MSH5: variants seen among roughly 807,000 people sequenced by gnomAD.
MSH5 encodes mutS protein homolog 5.
A neutral mutation model predicts 107.7 loss-of-function variants in MSH5; 78 were observed. The ratio of observed to expected loss-of-function variants is 0.72; its 90% confidence interval spans 0.60 to 0.87. The LOEUF (loss-of-function observed/expected upper bound fraction) is 0.87, where lower values mean the gene tolerates loss of function less well. MSH5 is among the 40% of genes least tolerant of loss of function. The pLI is 0.00. For missense variants in MSH5, 889 were observed against 1,046.6 expected (o/e 0.85, Z 2.08); for synonymous variants, 326 against 399.5 (o/e 0.82, Z 2.19).
chr6:31,745,614 G>A (rs576575223), intron 9 of MSH5, among the ~76,000 whole-genome samples: 7 of 152,180 alleles, frequency 4.6e-5, no homozygotes, highest in African/African-American at 1.7e-4. Context: ...GGGACTTTGG[G>A]AGACCTTGTG....
At position 31,742,963 on chromosome 6, in the gene MSH5, G is replaced by A. The variant is rs770947052; in HGVS notation, c.352+6G>A. 1.5e-5 allele frequency: 24 copies of A among 1,612,844 alleles called. No individual in the cohort carries two copies. The highest frequency in any genetic ancestry group is 1.9e-5 in the Non-Finnish European group (23 of 1,179,976). ...TCGATTTCTGGGAAAGCTTGGTAAG[G>A]ACTTGGTAAAGGATAGAGGGAAAAT... On this transcript the variant is annotated splice_donor_region_variant and intron_variant, in intron 4 of 24. Coordinates refer to ENST00000375750, the MANE Select transcript of MSH5 (RefSeq NM_172166.4).
chr6:31,741,225 C>T lies in MSH5; in HGVS notation c.210C>T (p.Asp70=), dbSNP rs56395125. 1.2e-5 allele frequency: 19 copies of T among 1,612,796 alleles called. No homozygotes were observed. Among genetic ancestry groups the T allele is most frequent in the East Asian group, 2.2e-5 (1 of 44,896 alleles). Reference sequence around the variant, plus strand: ...GCATTGCCTACTATGATACTAGTGACTCCACTATCCACTTCATGCCAGATG... The same window carrying T: ...GCATTGCCTACTATGATACTAGTGATTCCACTATCCACTTCATGCCAGATG... ...YLGIAYYDTS[D]STIHFMPDAP... is the part of the protein sequence containing the mutation. Residue 70 remains aspartate, a synonymous_variant, in exon 3 of 25, where the codon GAC becomes GAT. Coordinates refer to ENST00000375750, the MANE Select transcript of MSH5 (RefSeq NM_172166.4).
In MSH5 at chr6:31,761,941, G is replaced by T; in HGVS notation, c.2305G>T (p.Ala769Ser). Residue 769 changes from alanine to serine, a missense_variant, in exon 23 of 25, where the codon GCT becomes TCT. Transcript: ENST00000375750. This position sits in a 1 kb window ranked among gnomAD's most constrained non-coding sequence, Gnocchi z 5.3. ...AQAGLPDKLV[A>S]RGKEVSDLIR... ...GGCTGGGCTTCCTGACAAGCTTGTG[G>T]CTCGTGGCAAGGAGGTGATGAGATC... is the stretch of plus-strand genomic sequence containing the variant. The T allele has an allele frequency of 6.2e-7, 1 of 1,613,700 alleles. No individual in the cohort carries two copies.
In MSH5 at chr6:31,759,035, G is replaced by A; in HGVS notation, c.1327-62G>A. The A allele has an allele frequency of 6.7e-7, 1 of 1,495,744 alleles. No homozygotes were observed. The highest frequency in any genetic ancestry group is 9.3e-7 in the Non-Finnish European group (1 of 1,074,420). The allele number at this position is 1,495,744 out of a possible 1,614,324, so 92.7% of individuals were successfully genotyped here. On this transcript the variant is annotated intron_variant, in intron 15 of 24. Transcript: ENST00000375750. The surrounding 1 kb of genome is among the most constrained non-coding windows in gnomAD (Gnocchi z 4.7). ...GGATCTTTTAAGCTCCCTCTAGGGTGGGGAGGTGTCCAGTAAGTCTCCAAG... is the reference window on the plus strand; with the variant it reads ...GGATCTTTTAAGCTCCCTCTAGGGTAGGGAGGTGTCCAGTAAGTCTCCAAG...
chr6:31,753,715 C>T (rs1233717973), intron 12 of MSH5, 86 bp downstream of exon 12: 3 of 1,263,044 alleles, frequency 2.4e-6, no homozygotes, highest in Non-Finnish European at 3.4e-6. Context: ...GACATGCTGT[C>T]CAATTTTATT....
intron 24 of MSH5, 22 bp downstream of exon 24, chr6:31,762,207 C>CT (rs1022352620): frequency 1.2e-6 from 2 of 1,611,792 alleles, no homozygotes; most frequent in Admixed American, 3.3e-5. Flanking sequence ...GCCCCAGTGT[C>CT]TTTACCCTCT....
At position 31,760,172 on chromosome 6, in the gene MSH5, A is replaced by G. The variant is rs1581562530; in HGVS notation, c.1768A>G (p.Ile590Val). 1 of 1,611,878 alleles carries G rather than the reference A, an allele frequency of 6.2e-7. No individual in the cohort carries two copies. ...TGGGGACAAAGGGAGGGTCAAAGTC[A>G]TCACTGGACCCAACTCATCAGGGAA... is the stretch of plus-strand genomic sequence containing the variant. Reference protein sequence around the residue: ...CGGDKGRVKVITGPNSSGKSI... With the variant: ...CGGDKGRVKVVTGPNSSGKSI... The change falls in exon 19 of 25, where the codon ATC becomes GTC. Residue 590 changes from isoleucine (I) to valine (V), a missense_variant. Physicochemically the swap from Ile to Val is conservative, Grantham distance 29. Transcript: ENST00000375750. The surrounding 1 kb of genome is among the most constrained non-coding windows in gnomAD (Gnocchi z 5.6).
At chr6:31,750,240 A>G (rs1562231280) in intron 10 of MSH5, among the ~76,000 whole-genome samples, 1 of 152,246 alleles carries the variant, frequency 6.6e-6, no homozygotes, top group Non-Finnish European at 1.5e-5. Context: ...ATTTTAATTT[A>G]TTAGGAAATA....
intron 10 of MSH5, among the ~76,000 whole-genome samples, chr6:31,752,718 CAA>C (rs9279408): frequency 3.7e-4 from 46 of 124,542 alleles, no homozygotes; most frequent in South Asian, 5.2e-4. Context: ...GACTCTGTCT[CAA>C]AAAAAAAAAA....
At chr6:31,751,005 T>C (rs905008290) in intron 10 of MSH5, among the ~76,000 whole-genome samples, 5 of 152,144 alleles carry the variant, frequency 3.3e-5, no homozygotes, top group African/African-American at 9.7e-5. Flanking sequence ...ATTTATTTTA[T>C]TTATTTATTT....
rs570419071 is a variant in MSH5 at position 31,743,103 on chromosome 6, C to G, written c.353-5C>G. 8.7e-6 allele frequency: 14 copies of G among 1,613,022 alleles called. No individual in the cohort carries two copies. The highest frequency in any genetic ancestry group is 6.7e-5 in the Admixed American group (4 of 60,006). On this transcript the variant is annotated splice_region_variant and splice_polypyrimidine_tract_variant and intron_variant, in intron 4 of 24. Transcript: ENST00000375750. Reference sequence around the variant, plus strand: ...AATGATAGCCTTTTCTTTCCTCCCCCACAGCCTCCCAGGAGCACAGAGAGC... The same window carrying G: ...AATGATAGCCTTTTCTTTCCTCCCCGACAGCCTCCCAGGAGCACAGAGAGC...
Position 31,761,998 on chromosome 6 carries a change from CCTTT to C in MSH5, c.2319+45_2319+48del. 2 of 1,613,216 alleles carry C rather than the reference CCTTT, an allele frequency of 1.2e-6. No individual in the cohort carries two copies. The highest frequency in any genetic ancestry group is 2.7e-5 in the African/African-American group (2 of 74,996). On this transcript the variant is annotated intron_variant, in intron 23 of 24. Transcript: ENST00000375750. This position sits in a 1 kb window ranked among gnomAD's most constrained non-coding sequence, Gnocchi z 5.3. ...TGCAACCACCTCCACATCAGAGCTCCCTTTCATTCCTAGTCCTACTGGGCCTGGG... is the reference window on the plus strand; with the variant it reads ...TGCAACCACCTCCACATCAGAGCTCCCATTCCTAGTCCTACTGGGCCTGGG...
rs1413337119 is a variant in MSH5, at chr6:31,760,546, G to A, written c.1813-144G>A. 8.8e-7 allele frequency: 1 copy of A among 1,139,994 alleles called. No homozygotes were observed. Among genetic ancestry groups the A allele is most frequent in the Non-Finnish European group, 1.3e-6 (1 of 774,754 alleles). The allele number at this position is 1,139,994 out of a possible 1,614,324, so 70.6% of individuals were successfully genotyped here. A position where few individuals can be genotyped will look rare whatever the true frequency, so the allele number is the denominator to read the frequency against. On this transcript the variant is annotated intron_variant, in intron 19 of 24. Transcript: ENST00000375750. The surrounding 1 kb of genome is among the most constrained non-coding windows in gnomAD (Gnocchi z 5.6). Reference sequence around the variant, plus strand: ...AGGGCTATGGTCAGGATTCGGGGAGGAGAGACAGAGTCAGTGTGTCTGTTA... The same window carrying A: ...AGGGCTATGGTCAGGATTCGGGGAGAAGAGACAGAGTCAGTGTGTCTGTTA...
At chr6:31,745,342 C>A (rs781117758) in intron 9 of MSH5, 23 bp downstream of exon 9, 2 of 1,556,450 alleles carry the variant, frequency 1.3e-6, no homozygotes, top group South Asian at 2.2e-5. Context: ...CATCCCTCAT[C>A]TCACATTACA....
intron 12 of MSH5, chr6:31,757,404 A>G (rs576624584): frequency 6.6e-6 from 1 of 152,296 alleles, no homozygotes; most frequent in African/African-American, 2.4e-5. Context: ...TCAGCCTCCC[A>G]AAGTGCTGGG....
At chr6:31,756,232 A>G (rs1438518789) in intron 12 of MSH5, among the ~76,000 whole-genome samples, 1 of 152,150 alleles carries the variant, frequency 6.6e-6, no homozygotes, top group East Asian at 1.9e-4. Context: ...GTGCAGTGGC[A>G]CGATCTTGGC....
In MSH5 at chr6:31,758,122, G is replaced by A. The variant is rs777382424; in HGVS notation, c.1015-43G>A. ...TCTGTCCCTATCACCACCTCAACCC[G>A]AGCTGGATGTGGCCTGTCCTCCTTT... On this transcript the variant is annotated intron_variant, in intron 12 of 24. Transcript: ENST00000375750. This position sits in a 1 kb window ranked among gnomAD's most constrained non-coding sequence, Gnocchi z 5.1. 11 of 1,610,932 alleles carry A rather than the reference G, an allele frequency of 6.8e-6. No individual in the cohort carries two copies. Among genetic ancestry groups the A allele is most frequent in the South Asian group, 1.1e-5 (1 of 91,022 alleles).
chr6:31,746,443 G>C (rs12191233), intron 9 of MSH5: 2,445 of 150,824 alleles, frequency 0.016, 36 homozygotes, highest in Middle Eastern at 0.028. Context: ...TTTTTTGTTT[G>C]TTTGTTTGTT....
Position 31,758,870 on chromosome 6 carries a change from C to T in MSH5, c.1321C>T (p.Pro441Ser). 1 of 1,613,358 alleles carries T rather than the reference C, an allele frequency of 6.2e-7. No homozygotes were observed. The highest frequency in any genetic ancestry group is 8.5e-7 in the Non-Finnish European group (1 of 1,179,314). The change falls in exon 15 of 25, where the codon CCT (proline) becomes TCT (serine). Residue 441 changes from proline to serine, a missense_variant. By Grantham distance (74) the Pro-to-Ser change is moderately conservative. This residue lies in a region of MSH5 where 518 missense variants were observed against 565.0 expected (regional missense o/e 0.92). Coordinates refer to ENST00000375750, the MANE Select transcript of MSH5 (RefSeq NM_172166.4). The surrounding 1 kb of genome is among the most constrained non-coding windows in gnomAD (Gnocchi z 5.1). ...RIPSCSVIYIPLIGFLLSIPR... is the reference protein window; with the variant it reads ...RIPSCSVIYISLIGFLLSIPR... ...TCCTTCATGCAGTGTCATCTACATC[C>T]CTCTGGTGAGGGCAGGAGAGTGGGT... is the stretch of plus-strand genomic sequence containing the variant.
Sources: gnomAD v4.1 joint callset for allele counts (sites outside exome capture counted in the v4.1 genomes callset) on GRCh38, gnomAD v4.1.1 for gene constraint, gnomAD v4.1.1 regional missense constraint, Gnocchi (gnomAD v3.1) non-coding constraint, MANE v1.5 for transcripts, NCBI Gene and HGNC (gene_info 2026-07-23, HGNC 2026-07-21) for gene names.